The following ZNF438 variants were observed in gnomAD, a reference collection of about 807,000 sequenced individuals.
The protein encoded by ZNF438 is zinc finger protein 438.
In ZNF438, 25 loss-of-function variants were observed where a neutral mutation model predicts 38.0. That is an observed-to-expected ratio of 0.66 (90% CI 0.48 to 0.92). ZNF438 has a LOEUF of 0.92. Ranked by LOEUF, ZNF438 falls within the 40% of genes least tolerant of loss-of-function variation. The pLI, the probability that ZNF438 is intolerant of heterozygous loss-of-function variation, is 0.00. For missense variants in ZNF438, 1,007 were observed against 999.6 expected (o/e 1.01, Z -0.10); for synonymous variants, 372 against 364.1 (o/e 1.02, Z -0.25).
chr10:30,929,051 A>C (rs1376088918), intron 2 of ZNF438, among the ~76,000 whole-genome samples: 2 of 152,160 alleles, frequency 1.3e-5, no homozygotes. Context: ...AAAGAGTTGG[A>C]ATTTTTGTTT....
At chr10:30,920,390 C>T (rs576958137) in intron 2 of ZNF438, 7 of 152,194 alleles carry the variant, frequency 4.6e-5, no homozygotes, top group African/African-American at 1.7e-4. Context: ...AATGAAATAC[C>T]TTTGAGGTCT....
At chr10:30,848,108 C>A (rs2032699939) in intron 5 of ZNF438, among the ~76,000 whole-genome samples, 1 of 152,198 alleles carries the variant, frequency 6.6e-6, no homozygotes, top group South Asian at 2.1e-4. Context: ...TGAACCCGAA[C>A]TGATGGGAAA....
intron 2 of ZNF438, among the ~76,000 whole-genome samples, chr10:30,927,817 A>G (rs984532780): frequency 3.9e-5 from 6 of 152,224 alleles, no homozygotes; most frequent in Non-Finnish European, 4.4e-5. Flanking sequence ...TGCGAAATGA[A>G]TAAGAGGATG....
intron 4 of ZNF438, among the ~76,000 whole-genome samples, chr10:30,860,280 C>G (rs1022827456): frequency 6.6e-6 from 1 of 152,194 alleles, no homozygotes; most frequent in African/African-American, 2.4e-5. Flanking sequence ...CTCACTCACT[C>G]TATTAGCATT....
At chr10:30,845,958 T>C (rs1294316649) in intron 5 of ZNF438, among the ~76,000 whole-genome samples, 1 of 152,214 alleles carries the variant, frequency 6.6e-6, no homozygotes. Context: ...CCCTACCCAC[T>C]GTGGCTCTCC....
At chr10:30,918,101 G>A (rs1404936579) in intron 2 of ZNF438, among the ~76,000 whole-genome samples, 3 of 152,038 alleles carry the variant, frequency 2.0e-5, no homozygotes, top group Non-Finnish European at 4.4e-5. Flanking sequence ...GAAATCAAAG[G>A]ACTATATAAA....
rs138118141 is a variant in ZNF438, at chr10:31,028,015, G to A, written c.-192+3818C>T. The stretch of plus-strand genomic sequence containing the variant: ...TTATGGTATGCCATGAAAGATCTAC[G>A]GGAACAAGACACATCTTTTTTTGTT... On this transcript the variant is annotated intron_variant, in intron 1 of 5. Transcript: ENST00000413025. 2.7e-3 allele frequency among the ~76,000 whole-genome samples: 414 copies of A among 152,050 alleles called. 1 individual carries two copies. Among genetic ancestry groups the A allele is most frequent in the East Asian group, 0.016 (85 of 5,178 alleles).
At chr10:30,875,389 G>A (rs982175642) in intron 4 of ZNF438, 1 of 983,952 alleles carries the variant, frequency 1.0e-6, no homozygotes. Context: ...AGAAAACTGA[G>A]GCTCAGGGGC....
At chr10:30,927,335 G>C (rs1161184704) in intron 2 of ZNF438, among the ~76,000 whole-genome samples, 2 of 152,148 alleles carry the variant, frequency 1.3e-5, no homozygotes, top group African/African-American at 2.4e-5. Flanking sequence ...GGAAACAAAG[G>C]CTATATAGTC....
In ZNF438 at chr10:30,942,577, TACAA is replaced by T. The variant is rs1589315952; in HGVS notation, c.-191-930_-191-927del. Among the ~76,000 whole-genome samples the T allele has an allele frequency of 2.0e-5, 3 of 152,354 alleles. No individual in the cohort carries two copies. The East Asian group carries it at 5.8e-4, about 29-fold the overall frequency. On this transcript the variant is annotated intron_variant, in intron 1 of 5. Transcript: ENST00000413025. ...CATCACCAACATTCAGTGATATGGT[TACAA>T]ACATAGGATTCTTAGACCACAATAG...
chr10:30,844,782 GCTT>G, exon 6 of ZNF438: 4 of 750,050 alleles, frequency 5.3e-6, no homozygotes, highest in East Asian at 5.1e-5. Flanking sequence ...AGAAAAATAT[GCTT>G]CGAGAGCTTA....
intron 1 of ZNF438, among the ~76,000 whole-genome samples, chr10:31,025,287 A>C (rs1267727115): frequency 1.3e-5 from 2 of 152,266 alleles, no homozygotes; most frequent in Admixed American, 1.3e-4. Flanking sequence ...GTTGTTGAGA[A>C]GTTGTCTTGT....
chr10:30,882,287 TAAG>T (rs2039367540), intron 3 of ZNF438, among the ~76,000 whole-genome samples: 1 of 152,210 alleles, frequency 6.6e-6, no homozygotes, highest in East Asian at 1.9e-4. Context: ...AATAAGAACA[TAAG>T]AAGATGTTCA....
intron 1 of ZNF438, among the ~76,000 whole-genome samples, chr10:30,970,574 T>C (rs537842310): frequency 4.4e-4 from 67 of 152,212 alleles, no homozygotes; most frequent in Non-Finnish European, 8.1e-4. Context: ...TGTCATGAAA[T>C]GTGGAAAATA....
intron 1 of ZNF438, among the ~76,000 whole-genome samples, chr10:31,012,731 C>T (rs2055826581): frequency 6.6e-6 from 1 of 152,164 alleles, no homozygotes; most frequent in Admixed American, 6.5e-5. Context: ...TCTATCTTTC[C>T]TAATCCATTA....
chr10:30,889,475 G>T (rs2040403979), intron 3 of ZNF438, among the ~76,000 whole-genome samples: 1 of 152,028 alleles, frequency 6.6e-6, no homozygotes, highest in Non-Finnish European at 1.5e-5. Context: ...GCACCATCTT[G>T]GCTCACTGCA....
chr10:30,848,617 A>G, exon 5 of ZNF438: 1 of 1,614,212 alleles, frequency 6.2e-7, no homozygotes, highest in Non-Finnish European at 8.5e-7. Context: ...GCGCAGGCTC[A>G]GTGCTGATCA....
At chr10:30,984,900 T>A (rs1186914630) in intron 1 of ZNF438, among the ~76,000 whole-genome samples, 2 of 152,168 alleles carry the variant, frequency 1.3e-5, no homozygotes, top group East Asian at 1.9e-4. Context: ...ACGGCCATTG[T>A]CCCAGTGTCC....
chr10:30,938,857 C>T (rs986687421), intron 2 of ZNF438, among the ~76,000 whole-genome samples: 14 of 152,058 alleles, frequency 9.2e-5, no homozygotes, highest in African/African-American at 1.4e-4. Flanking sequence ...TGCAGTGGCA[C>T]GATCTTGGCT....
Sources: allele counts gnomAD v4.1 joint callset (sites outside exome capture counted in the v4.1 genomes callset), GRCh38; gene constraint gnomAD v4.1.1; transcripts MANE v1.5; gene names NCBI Gene and HGNC (gene_info 2026-07-23, HGNC 2026-07-21).